Variants in MRPS23 observed in about 807,000 individuals in gnomAD.
MRPS23 encodes the protein small ribosomal subunit protein mS23.
A neutral mutation model predicts 19.8 loss-of-function variants in MRPS23; 14 were observed. That is an observed-to-expected ratio of 0.71 (90% confidence interval 0.47 to 1.11). MRPS23 has a LOEUF of 1.11. MRPS23 is among the 50% of genes least tolerant of loss of function. The pLI is 0.00. For missense variants in MRPS23, 242 were observed against 236.7 expected, an observed-to-expected ratio of 1.02 and a Z score of -0.15; for synonymous variants, 113 against 89.7, an observed-to-expected ratio of 1.26 and a Z score of -1.47.
chr17:57,839,959 C>A, intron 4 of MRPS23, 24 bp from the exon 5 acceptor site: 1 of 1,611,186 alleles, frequency 6.2e-7, no homozygotes, highest in South Asian at 1.1e-5. Context: ...ATTTAAGTAT[C>A]ACAGAGATGT....
At chr17:57,849,833 C>G in intron 1 of MRPS23, 134 bp downstream of exon 1, 1 of 1,045,332 alleles carries the variant, frequency 9.6e-7, no homozygotes, top group South Asian at 1.6e-5. Context: ...CATGAGAGGG[C>G]CTCACCCAGC....
intron 2 of MRPS23, among the ~76,000 whole-genome samples, chr17:57,846,185 C>T (rs1285731081): frequency 6.6e-6 from 1 of 151,028 alleles, no homozygotes; most frequent in Middle Eastern, 3.2e-3. Context: ...CTCCGCCAGC[C>T]GCCCCGTCCG....
intron 1 of MRPS23, 53 bp from the exon 2 acceptor site, chr17:57,849,463 C>A: frequency 6.3e-7 from 1 of 1,595,184 alleles, no homozygotes; most frequent in South Asian, 1.1e-5. Context: ...CTGCCAAAGC[C>A]CCTGAATCAG....
At position 57,837,451 on chromosome 17, in the gene MRPS23, T is replaced by C. The variant is rs905372334; in HGVS notation, c.*2332A>G. 3.3e-5 allele frequency: 5 copies of C among 152,242 alleles called. No individual in the cohort carries two copies. Among genetic ancestry groups the C allele is most frequent in the Admixed American group, 2.0e-4 (3 of 15,288 alleles). 9.4% of individuals were successfully genotyped at this position (152,242 alleles called of 1,614,324 possible). ...TAAATCACAGTGGATCTCTGAGACA[T>C]AGTAACTAGAAAAGCAAGGTACAGA... On this transcript the variant is annotated 3_prime_UTR_variant, in exon 5 of 5. Transcript: ENST00000313608.
intron 4 of MRPS23, 149 bp downstream of exon 4, chr17:57,840,777 G>A (rs1294078146): frequency 1.1e-6 from 1 of 894,152 alleles, no homozygotes; most frequent in African/African-American, 1.7e-5. Flanking sequence ...GAGGATATGT[G>A]TAGGTTATAT....
intron 2 of MRPS23, among the ~76,000 whole-genome samples, chr17:57,846,543 T>C (rs965792370): frequency 3.7e-4 from 56 of 152,186 alleles, no homozygotes; most frequent in Admixed American, 2.5e-3. Flanking sequence ...GAGGTAGACA[T>C]GGGAGACTCC....
At chr17:57,847,208 G>T (rs980481587) in intron 2 of MRPS23, among the ~76,000 whole-genome samples, 1 of 151,494 alleles carries the variant, frequency 6.6e-6, no homozygotes, top group African/African-American at 2.4e-5. Context: ...CAGGAGAACA[G>T]CTTGAACCCG....
intron 1 of MRPS23, among the ~76,000 whole-genome samples, chr17:57,849,683 G>A (rs2073799460): frequency 6.6e-6 from 1 of 152,200 alleles, no homozygotes; most frequent in Admixed American, 6.5e-5. Flanking sequence ...GACCTGATAA[G>A]GAAGGCCCAT....
At chr17:57,849,872 G>T in intron 1 of MRPS23, 95 bp downstream of exon 1, 1 of 1,432,542 alleles carries the variant, frequency 7.0e-7, no homozygotes, top group Non-Finnish European at 9.4e-7. Flanking sequence ...AATACGCCTC[G>T]CCCTGCTCAG....
intron 2 of MRPS23, among the ~76,000 whole-genome samples, chr17:57,848,151 TG>T (rs954425099): frequency 6.6e-6 from 1 of 152,130 alleles, no homozygotes; most frequent in African/African-American, 2.4e-5. Flanking sequence ...CTCAAACTCC[TG>T]GGCACAAGCT....
intron 2 of MRPS23, 119 bp from the exon 3 acceptor site, chr17:57,841,379 T>C (rs113066817): frequency 0.05 from 49,700 of 991,410 alleles, 1,412 homozygotes; most frequent in African/African-American, 0.065. Context: ...ATAACCCACA[T>C]AGCCTAAGCT....
chr17:57,837,966 C>A lies in MRPS23; in HGVS notation c.*1817G>T, dbSNP rs1257945406. ...ACCCAGCCTGGGTAACACAGTGAGA[C>A]CCCCATCTCCTAAAACAAAATTAAA... On this transcript the variant is annotated 3_prime_UTR_variant, in exon 5 of 5. Coordinates refer to ENST00000313608, the MANE Select transcript of MRPS23 (RefSeq NM_016070.4). The A allele has an allele frequency of 2.0e-5, 3 of 150,942 alleles. No individual in the cohort carries two copies. Among genetic ancestry groups the A allele is most frequent in the African/African-American group, 7.3e-5 (3 of 40,860 alleles). 9.4% of individuals were successfully genotyped at this position (150,942 alleles called of 1,614,324 possible).
At chr17:57,840,129 T>C (rs1469996812) in intron 4 of MRPS23, among the ~76,000 whole-genome samples, 194 bp from the exon 5 acceptor site, 2 of 152,226 alleles carry the variant, frequency 1.3e-5, no homozygotes, top group Non-Finnish European at 2.9e-5. Flanking sequence ...GGCTCACGCC[T>C]GTAATCCCAG....
At chr17:57,840,813 G>T (rs2073735461) in intron 4 of MRPS23, 113 bp downstream of exon 4, 1 of 1,388,282 alleles carries the variant, frequency 7.2e-7, no homozygotes, top group African/African-American at 1.4e-5. Flanking sequence ...CTTTATAAAA[G>T]GTATTTCAGC....
intron 2 of MRPS23, among the ~76,000 whole-genome samples, chr17:57,846,890 GA>G (rs2073779624): frequency 1.4e-5 from 2 of 138,538 alleles, no homozygotes; most frequent in East Asian, 4.1e-4. Flanking sequence ...CCCTCTCCGA[GA>G]AACACCCAAG....
intron 2 of MRPS23, among the ~76,000 whole-genome samples, chr17:57,847,485 AC>A (rs1344462664): frequency 2.0e-5 from 3 of 151,184 alleles, no homozygotes; most frequent in Non-Finnish European, 2.9e-5. Flanking sequence ...ACACGGTGAA[AC>A]CCTGTCTCTA....
intron 2 of MRPS23, among the ~76,000 whole-genome samples, chr17:57,841,839 T>C (rs576023792): frequency 6.6e-6 from 1 of 152,106 alleles, no homozygotes; most frequent in South Asian, 2.1e-4. Context: ...CACAGCTACT[T>C]GGGAGGGTTA....
intron 2 of MRPS23, among the ~76,000 whole-genome samples, chr17:57,843,531 C>G (rs2073753796): frequency 6.6e-6 from 1 of 152,052 alleles, no homozygotes; most frequent in Admixed American, 6.6e-5. Context: ...AATCCTAATC[C>G]CCATTGTGAT....
intron 2 of MRPS23, 37 bp downstream of exon 2, chr17:57,849,201 TTC>T: frequency 6.3e-7 from 1 of 1,591,964 alleles, no homozygotes; most frequent in South Asian, 1.1e-5. Flanking sequence ...CCTTCTGAAG[TTC>T]TGTTGCCTCC....
Sources: allele counts gnomAD v4.1 joint callset (sites outside exome capture counted in the v4.1 genomes callset), GRCh38; gene constraint gnomAD v4.1.1; transcripts MANE v1.5; gene names NCBI Gene and HGNC (gene_info 2026-07-23, HGNC 2026-07-21).